Variants in ADGRL3 observed in about 807,000 individuals in gnomAD.
ADGRL3 encodes the protein adhesion G protein-coupled receptor L3.
Under a neutral mutation model 153.5 loss-of-function variants are expected in ADGRL3, and 62 were observed. The observed-to-expected ratio is 0.40, with a 90% CI of 0.33 to 0.50. The LOEUF is 0.50. Among genes scored for constraint, ADGRL3 ranks in the 20% least tolerant of loss-of-function variants. The pLI is 0.47. For missense variants in ADGRL3, 1,641 were observed against 1,859.4 expected (o/e 0.88, Z 2.16); for synonymous variants, 710 against 672.5 (o/e 1.06, Z -0.86).
intron 4 of ADGRL3, among the ~76,000 whole-genome samples, chr4:61,558,350 A>T (rs1312488797): frequency 6.6e-6 from 1 of 151,390 alleles, no homozygotes; most frequent in Non-Finnish European, 1.5e-5. Flanking sequence ...TCTAGTCTGC[A>T]TTGGATGCTC....
chr4:61,527,433 AC>A lies in ADGRL3; in HGVS notation c.259+9916del, dbSNP rs570150939. On this transcript the variant is annotated intron_variant, in intron 4 of 26. Coordinates refer to ENST00000683033, the MANE Select transcript of ADGRL3 (RefSeq NM_001387552.1). ...AGCAACATAGTATTACTGAAAAGGT[AC>A]TTGTGTGAAACCTATTATTGTATTT... Among the ~76,000 whole-genome samples, 64 of 152,276 alleles carry A rather than the reference AC, an allele frequency of 4.2e-4. 1 individual carries two copies. In the South Asian group the frequency reaches 0.013, roughly 31 times the overall value.
chr4:61,933,440 C>T (rs1228550283), intron 13 of ADGRL3, among the ~76,000 whole-genome samples: 5 of 151,976 alleles, frequency 3.3e-5, no homozygotes, highest in South Asian at 2.1e-4. Context: ...GAACAAATGA[C>T]GGAGCTAAGC....
chr4:61,998,030 C>T, intron 20 of ADGRL3, 144 bp from the exon 21 acceptor site: 1 of 433,594 alleles, frequency 2.3e-6, no homozygotes, highest in South Asian at 5.9e-5. Flanking sequence ...TTTACTAAAA[C>T]ACTAGGCAGT....
chr4:61,779,529 G>A (rs1382207590), intron 8 of ADGRL3, among the ~76,000 whole-genome samples: 1 of 150,246 alleles, frequency 6.7e-6, no homozygotes, highest in African/African-American at 2.5e-5. Flanking sequence ...AGCTACTCAG[G>A]AGGCTGATGC....
At chr4:62,039,381 T>C (rs1726911345) in intron 24 of ADGRL3, among the ~76,000 whole-genome samples, 1 of 152,194 alleles carries the variant, frequency 6.6e-6, no homozygotes, top group Non-Finnish European at 1.5e-5. Context: ...ATCTTACAAA[T>C]AAAACCATGT....
At chr4:61,294,548 T>C (rs182345210) in intron 1 of ADGRL3, among the ~76,000 whole-genome samples, 69 of 152,260 alleles carry the variant, frequency 4.5e-4, no homozygotes, top group Non-Finnish European at 8.4e-4. Context: ...TTTTAACATA[T>C]CTGAAATTGG....
chr4:61,865,691 T>A (rs1270736060), intron 9 of ADGRL3, among the ~76,000 whole-genome samples: 2 of 152,216 alleles, frequency 1.3e-5, no homozygotes, highest in Admixed American at 6.5e-5. Context: ...AACAGGTGTT[T>A]AGTGGGTTTC....
At chr4:61,356,698 A>G (rs1308671577) in intron 1 of ADGRL3, among the ~76,000 whole-genome samples, 1 of 152,174 alleles carries the variant, frequency 6.6e-6, no homozygotes, top group Non-Finnish European at 1.5e-5. Context: ...AAAAACAAAC[A>G]TAAAAATTTT....
At chr4:61,744,167 C>A (rs1471692834) in intron 8 of ADGRL3, among the ~76,000 whole-genome samples, 1 of 152,128 alleles carries the variant, frequency 6.6e-6, no homozygotes, top group African/African-American at 2.4e-5. Flanking sequence ...GGGAGGGGCA[C>A]CCACCATTGC....
chr4:61,832,651 T>A (rs1335973757), intron 9 of ADGRL3, among the ~76,000 whole-genome samples: 1 of 152,154 alleles, frequency 6.6e-6, no homozygotes, highest in Non-Finnish European at 1.5e-5. Flanking sequence ...TCTTTCCTTA[T>A]CATCTGATAT....
At chr4:61,747,864 C>A (rs1195326026) in intron 8 of ADGRL3, among the ~76,000 whole-genome samples, 2 of 151,832 alleles carry the variant, frequency 1.3e-5, no homozygotes, top group African/African-American at 4.8e-5. Flanking sequence ...TCAGGGCAAT[C>A]AAGCAGGAGA....
chr4:61,544,637 T>C (rs1193102619), intron 4 of ADGRL3, among the ~76,000 whole-genome samples: 1 of 152,216 alleles, frequency 6.6e-6, no homozygotes, highest in Non-Finnish European at 1.5e-5. Context: ...AAAAATATTT[T>C]AGTTTTCACA....
chr4:61,936,957 AAC>A (rs903422421), intron 15 of ADGRL3, among the ~76,000 whole-genome samples: 5 of 152,172 alleles, frequency 3.3e-5, no homozygotes, highest in African/African-American at 1.2e-4. Context: ...TATCAAGAAA[AAC>A]AACTTACATT....
chr4:61,323,129 C>T (rs1247550443), intron 1 of ADGRL3, among the ~76,000 whole-genome samples: 2 of 152,230 alleles, frequency 1.3e-5, no homozygotes, highest in Non-Finnish European at 2.9e-5. Flanking sequence ...TCTGCAGCCA[C>T]AGCCTAAGCT....
At chr4:61,320,183 T>C (rs1442233082) in intron 1 of ADGRL3, among the ~76,000 whole-genome samples, 1 of 152,160 alleles carries the variant, frequency 6.6e-6, no homozygotes, top group Non-Finnish European at 1.5e-5. Flanking sequence ...CCTCTAGAAC[T>C]GTGAGAAATA....
chr4:62,051,301 C>G (rs1308696704), intron 25 of ADGRL3, among the ~76,000 whole-genome samples: 1 of 150,730 alleles, frequency 6.6e-6, no homozygotes, highest in Non-Finnish European at 1.5e-5. Flanking sequence ...AACACAAAGG[C>G]AAAATAGGCT....
intron 4 of ADGRL3, among the ~76,000 whole-genome samples, chr4:61,582,171 A>AT (rs1459100335): frequency 6.6e-6 from 1 of 152,022 alleles, no homozygotes; most frequent in African/African-American, 2.4e-5. Flanking sequence ...AGCTCTTATT[A>AT]TTTTTTTCTT....
intron 8 of ADGRL3, among the ~76,000 whole-genome samples, chr4:61,754,874 T>G (rs191556676): frequency 4.7e-4 from 71 of 152,114 alleles, no homozygotes; most frequent in Admixed American, 7.9e-4. Context: ...GCGGTGTTTG[T>G]TTTTTTATTC....
At chr4:61,957,658 C>T (rs2098972695) in intron 17 of ADGRL3, among the ~76,000 whole-genome samples, 1 of 150,862 alleles carries the variant, frequency 6.6e-6, no homozygotes, top group Non-Finnish European at 1.5e-5. Flanking sequence ...TTGGAACTGA[C>T]AAAGACCTTA....
Sources: gnomAD v4.1 joint callset for allele counts (sites outside exome capture counted in the v4.1 genomes callset) on GRCh38, gnomAD v4.1.1 for gene constraint, MANE v1.5 for transcripts, NCBI Gene and HGNC (gene_info 2026-07-23, HGNC 2026-07-21) for gene names.